Variants in FTO observed in about 807,000 individuals in gnomAD.
FTO encodes the protein alpha-ketoglutarate-dependent dioxygenase FTO.
A neutral mutation model predicts 63.9 loss-of-function variants in FTO; 47 were observed. That is an observed-to-expected ratio of 0.74 (90% CI 0.58 to 0.94). The LOEUF is 0.94. FTO is among the 40% of genes least tolerant of loss of function. The pLI is 0.00. For synonymous variants in FTO, 207 were observed against 224.4 expected (o/e 0.92, Z 0.69); for missense variants, 562 against 618.1 (o/e 0.91, Z 0.96).
chr16:53,785,576 G>A lies in FTO; in HGVS notation c.46-24564G>A, dbSNP rs1418872214. On this transcript the variant is annotated intron_variant, in intron 1 of 8. Coordinates refer to ENST00000471389, the MANE Select transcript of FTO (RefSeq NM_001080432.3). ...GACAGAAAGAAGGCCTACATGATTT[G>A]AGAATGGTGGAGAGAGAGATTTGAG... Among the ~76,000 whole-genome samples the A allele has an allele frequency of 5.9e-5, 9 of 152,232 alleles. No individual in the cohort carries two copies. The East Asian group carries it at 1.5e-3, about 26-fold the overall frequency.
chr16:53,976,359 T>C (rs1331586685), intron 8 of FTO, among the ~76,000 whole-genome samples: 6 of 152,140 alleles, frequency 3.9e-5, no homozygotes, highest in African/African-American at 1.4e-4. Flanking sequence ...GGACGGGCAA[T>C]TGGCACAACA....
intron 2 of FTO, among the ~76,000 whole-genome samples, chr16:53,817,885 C>G (rs1041481665): frequency 6.6e-6 from 1 of 152,142 alleles, no homozygotes; most frequent in Admixed American, 6.5e-5. Context: ...ATATAATCAT[C>G]ATTTATGCCA....
intron 5 of FTO, among the ~76,000 whole-genome samples, chr16:53,879,014 G>A (rs560229320): frequency 1.3e-5 from 2 of 152,172 alleles, no homozygotes; most frequent in South Asian, 4.1e-4. Flanking sequence ...ATTTTTCCCC[G>A]CTGTCATTAT....
chr16:53,986,684 C>T (rs754240580), intron 8 of FTO, among the ~76,000 whole-genome samples: 14 of 152,174 alleles, frequency 9.2e-5, no homozygotes, highest in Non-Finnish European at 1.0e-4. Context: ...GCTATATAAT[C>T]TCTAGTAGAG....
chr16:53,763,616 G>T (rs532675471), intron 1 of FTO, among the ~76,000 whole-genome samples: 2 of 152,292 alleles, frequency 1.3e-5, no homozygotes, highest in South Asian at 4.1e-4. Flanking sequence ...TTGACCCTAT[G>T]ATTATAGTGA....
In FTO at chr16:53,826,352, G is replaced by C. The variant is rs766461936; in HGVS notation, c.612G>C (p.Leu204=). The C allele has an allele frequency of 1.4e-5, 23 of 1,614,082 alleles. No individual in the cohort carries two copies. The highest frequency in any genetic ancestry group is 1.9e-5 in the Non-Finnish European group (22 of 1,180,052). Residue 204 remains leucine (L), a synonymous_variant, in exon 3 of 9, where the codon CTG becomes CTC. Coordinates refer to ENST00000471389, the MANE Select transcript of FTO (RefSeq NM_001080432.3). ...GAGCAGCATACAACGTAACTTTGCTGAATTTCATGGATCCTCAGAAAATGC... is the reference window on the plus strand; with the variant it reads ...GAGCAGCATACAACGTAACTTTGCTCAATTTCATGGATCCTCAGAAAATGC... The part of the protein sequence containing the change: ...KSRAAYNVTL[L]NFMDPQKMPY...
At chr16:54,042,196 C>T (rs534924590) in intron 8 of FTO, among the ~76,000 whole-genome samples, 76 of 149,710 alleles carry the variant, frequency 5.1e-4, no homozygotes, top group African/African-American at 1.6e-3. Context: ...TCTGAGGTAC[C>T]GGGTTCATCT....
chr16:53,753,804 C>A (rs2076854396), intron 1 of FTO, among the ~76,000 whole-genome samples: 1 of 152,192 alleles, frequency 6.6e-6, no homozygotes, highest in African/African-American at 2.4e-5. Context: ...TCCCTTCTCC[C>A]CACATCTGAA....
intron 1 of FTO, among the ~76,000 whole-genome samples, chr16:53,734,621 C>T (rs2076347643): frequency 6.6e-6 from 1 of 152,226 alleles, no homozygotes; most frequent in African/African-American, 2.4e-5. Flanking sequence ...CATGACTTTT[C>T]CCACATCATA....
chr16:54,028,490 A>C (rs1157975888), intron 8 of FTO, among the ~76,000 whole-genome samples: 1 of 152,200 alleles, frequency 6.6e-6, no homozygotes, highest in African/African-American at 2.4e-5. Flanking sequence ...GACAAATCTC[A>C]AGGGTGATAT....
chr16:53,916,326 A>G (rs1355349354), intron 7 of FTO, among the ~76,000 whole-genome samples: 1 of 152,128 alleles, frequency 6.6e-6, no homozygotes, highest in Non-Finnish European at 1.5e-5. Context: ...TCCGGTTCAT[A>G]TGCTTGGGTC....
intron 1 of FTO, among the ~76,000 whole-genome samples, chr16:53,778,173 C>G (rs1261838673): frequency 6.6e-6 from 1 of 152,080 alleles, no homozygotes; most frequent in Non-Finnish European, 1.5e-5. Context: ...AACATAGCAA[C>G]TAGTAAGTTT....
intron 8 of FTO, chr16:54,054,430 G>A (rs1047423347): frequency 6.6e-6 from 1 of 152,136 alleles, no homozygotes; most frequent in African/African-American, 2.4e-5. Flanking sequence ...TATTTCCTGG[G>A]CAGGAAGGAG....
intron 5 of FTO, among the ~76,000 whole-genome samples, chr16:53,877,338 A>G (rs1307071097): frequency 6.6e-6 from 1 of 152,242 alleles, no homozygotes; most frequent in Non-Finnish European, 1.5e-5. Flanking sequence ...TGGCATATCC[A>G]TACAGTTGAA....
intron 8 of FTO, among the ~76,000 whole-genome samples, chr16:54,014,786 C>A (rs2084397657): frequency 6.6e-6 from 1 of 151,656 alleles, no homozygotes; most frequent in African/African-American, 2.4e-5. Flanking sequence ...CTATAAAATG[C>A]ACCCAGATTT....
chr16:53,938,193 CAG>C (rs1295138005), intron 8 of FTO, among the ~76,000 whole-genome samples: 5 of 152,236 alleles, frequency 3.3e-5, no homozygotes, highest in Non-Finnish European at 7.3e-5. Flanking sequence ...GACTCTTGAA[CAG>C]AGTCTTATTC....
At chr16:54,088,115 A>G (rs1415186261) in intron 8 of FTO, among the ~76,000 whole-genome samples, 1 of 152,202 alleles carries the variant, frequency 6.6e-6, no homozygotes, top group Non-Finnish European at 1.5e-5. Context: ...ACTGCTTCCA[A>G]ACATAGACCT....
At chr16:54,110,441 G>C (rs1281004575) in intron 8 of FTO, among the ~76,000 whole-genome samples, 1 of 152,220 alleles carries the variant, frequency 6.6e-6, no homozygotes, top group East Asian at 1.9e-4. Context: ...CGGATGCAGA[G>C]AGCTGAAGAT....
chr16:53,876,651 G>T (rs1380400608), intron 5 of FTO, among the ~76,000 whole-genome samples: 3 of 152,218 alleles, frequency 2.0e-5, no homozygotes, highest in Admixed American at 6.5e-5. Flanking sequence ...CACAGGCTGG[G>T]TGCAGTGGCT....
Sources: allele counts gnomAD v4.1 joint callset (sites outside exome capture counted in the v4.1 genomes callset), GRCh38; gene constraint gnomAD v4.1.1; transcripts MANE v1.5; gene names NCBI Gene and HGNC (gene_info 2026-07-23, HGNC 2026-07-21).